COLEC12: variants seen among roughly 807,000 people sequenced by gnomAD.
The protein encoded by COLEC12 is collectin-12.
In COLEC12, 33 loss-of-function variants were observed where a neutral mutation model predicts 71.1. That is an observed-to-expected ratio of 0.46 (90% CI 0.35 to 0.62). The LOEUF (loss-of-function observed/expected upper bound fraction) is 0.62, where lower values mean the gene tolerates loss of function less well. Among genes scored for constraint, COLEC12 ranks in the 20% least tolerant of loss-of-function variants. The pLI is 0.00. For synonymous variants in COLEC12, 350 were observed against 353.0 expected (o/e 0.99, Z 0.10); for missense variants, 765 against 916.1 (o/e 0.84, Z 2.13).
rs562436571 is a variant in COLEC12 at position 319,070 on chromosome 18, C to T, written c.*975G>A. ...CTTCCAGATAGGCCAGATTCAGTGC[C>T]CTTCCCAACAGATGCCTCTCCATCC... On this transcript the variant is annotated 3_prime_UTR_variant, in exon 10 of 10. Transcript: ENST00000400256. 1.3e-5 allele frequency: 2 copies of T among 152,068 alleles called. No homozygotes were observed. Among genetic ancestry groups the T allele is most frequent in the African/African-American group, 4.8e-5 (2 of 41,450 alleles). The allele number at this position is 152,068 out of a possible 1,614,324, so 9.4% of individuals were successfully genotyped here.
In COLEC12 at chr18:346,249, A is replaced by G. The variant is rs375590539; in HGVS notation, c.1327+46T>C. 61 of 1,351,334 alleles carry G rather than the reference A, an allele frequency of 4.5e-5. No homozygotes were observed. In the East Asian group the frequency reaches 1.1e-3, roughly 23 times the overall value. The allele number at this position is 1,351,334 out of a possible 1,614,324, so 83.7% of individuals were successfully genotyped here. ...CAAGTTTTAGAGTAACTTGTTATGCAGCAATAAACAACTAATACAAATACA... is the reference window on the plus strand; with the variant it reads ...CAAGTTTTAGAGTAACTTGTTATGCGGCAATAAACAACTAATACAAATACA... On this transcript the variant is annotated intron_variant, in intron 5 of 9. Transcript: ENST00000400256. The surrounding 1 kb of genome is among the most constrained non-coding windows in gnomAD (Gnocchi z 4.0).
intron 3 of COLEC12, among the ~76,000 whole-genome samples, chr18:350,299 G>A (rs563790904): frequency 1.1e-3 from 175 of 152,192 alleles, no homozygotes; most frequent in Non-Finnish European, 2.0e-3. Context: ...TTCTCTTGCT[G>A]CTGCCGTGTA....
intron 2 of COLEC12, among the ~76,000 whole-genome samples, chr18:453,192 G>A (rs1165214067): frequency 2.0e-5 from 3 of 152,158 alleles, no homozygotes; most frequent in Non-Finnish European, 4.4e-5. Flanking sequence ...AATTAGCATC[G>A]TATGATCAGT....
intron 2 of COLEC12, among the ~76,000 whole-genome samples, chr18:378,356 C>G (rs1475225529): frequency 1.3e-5 from 2 of 152,200 alleles, no homozygotes; most frequent in Non-Finnish European, 2.9e-5. Context: ...TAAAAGTAGA[C>G]AGAAGGATGG....
chr18:433,940 G>T (rs911193551), intron 2 of COLEC12, among the ~76,000 whole-genome samples: 3 of 145,826 alleles, frequency 2.1e-5, no homozygotes, highest in Non-Finnish European at 4.5e-5. Context: ...CCCCAGCCTG[G>T]GCGACAAAGT....
chr18:488,992 T>G (rs1200649249), intron 1 of COLEC12, among the ~76,000 whole-genome samples: 3 of 152,104 alleles, frequency 2.0e-5, no homozygotes, highest in African/African-American at 7.2e-5. Flanking sequence ...TGAACCACAT[T>G]TCCCAGCATT....
At chr18:389,501 A>C (rs1374151781) in intron 2 of COLEC12, among the ~76,000 whole-genome samples, 1 of 151,568 alleles carries the variant, frequency 6.6e-6, no homozygotes, top group Non-Finnish European at 1.5e-5. Context: ...GATGGTCTTG[A>C]TCTCCTGACC....
In COLEC12 at chr18:347,223, C is replaced by T. The variant is rs765377021; in HGVS notation, c.399G>A (p.Lys133=). 4 of 1,614,052 alleles carry T rather than the reference C, an allele frequency of 2.5e-6. No individual in the cohort carries two copies. Among genetic ancestry groups the T allele is most frequent in the East Asian group, 4.5e-5 (2 of 44,898 alleles). Residue 133 remains lysine, a synonymous_variant, in exon 5 of 10, where the codon AAG becomes AAA. Coordinates refer to ENST00000400256, the MANE Select transcript of COLEC12 (RefSeq NM_130386.3). ...REITEKTSKN[K]DTLEKLQASG... is the part of the protein sequence containing the mutation. ...TCGCCTGTAACTTCTCCAGCGTATC[C>T]TTGTTCTTGCTGGTTTTTTCTGTAA...
chr18:352,045 C>A (rs1402654198), intron 3 of COLEC12, among the ~76,000 whole-genome samples: 1 of 152,078 alleles, frequency 6.6e-6, no homozygotes, highest in East Asian at 1.9e-4. Flanking sequence ...CCCAGGGAAG[C>A]CTGAGCATTG....
At chr18:410,392 T>C (rs1273625318) in intron 2 of COLEC12, among the ~76,000 whole-genome samples, 1 of 151,204 alleles carries the variant, frequency 6.6e-6, no homozygotes, top group Non-Finnish European at 1.5e-5. Flanking sequence ...AAAGGAAGCC[T>C]GGCTAGAGAT....
At chr18:360,126 C>T (rs139835161) in intron 2 of COLEC12, among the ~76,000 whole-genome samples, 10 of 151,940 alleles carry the variant, frequency 6.6e-5, no homozygotes, top group African/African-American at 2.4e-4. Context: ...GTCATTAAAA[C>T]ACACTGTTTC....
chr18:343,489 G>A (rs1914302669), intron 5 of COLEC12, among the ~76,000 whole-genome samples: 1 of 151,966 alleles, frequency 6.6e-6, no homozygotes, highest in African/African-American at 2.4e-5. Flanking sequence ...CGTGCTCTCG[G>A]TGACCCCTCC....
chr18:407,534 T>G (rs1915814084), intron 2 of COLEC12, among the ~76,000 whole-genome samples: 1 of 152,206 alleles, frequency 6.6e-6, no homozygotes, highest in Non-Finnish European at 1.5e-5. Flanking sequence ...TGTCCCAGCT[T>G]TGAAGGCAGT....
rs650190 is a variant in COLEC12 at position 351,022 on chromosome 18, A to G, written c.182-2859T>C. ...ATGCTTTATATATCAATTATGAGCCAACGGATCTAATTTATTGTATTCATC... is the reference window on the plus strand; with the variant it reads ...ATGCTTTATATATCAATTATGAGCCGACGGATCTAATTTATTGTATTCATC... On this transcript the variant is annotated intron_variant, in intron 3 of 9. Transcript: ENST00000400256. Among the ~76,000 whole-genome samples the G allele has an allele frequency of 1.8e-4, 27 of 151,872 alleles. No homozygotes were observed. In the South Asian group the frequency reaches 5.6e-3, roughly 32 times the overall value.
intron 2 of COLEC12, among the ~76,000 whole-genome samples, chr18:358,950 C>T (rs542895303): frequency 3.3e-5 from 5 of 152,294 alleles, no homozygotes; most frequent in Admixed American, 6.5e-5. Context: ...TGAAACGTTA[C>T]GTGGCACATG....
intron 5 of COLEC12, among the ~76,000 whole-genome samples, chr18:345,730 C>T (rs1049346804): frequency 6.6e-6 from 1 of 152,222 alleles, no homozygotes; most frequent in African/African-American, 2.4e-5. Flanking sequence ...ATTAACCAAC[C>T]TTTCACTCAA....
Position 318,496 on chromosome 18 carries a change from T to TG in COLEC12, c.*1548_*1549insC, listed in dbSNP as rs1165777842. ...ATGGGCTCAGAGGAAAGGTTTTTTTTTTTTTTTTTTTTTTGAGATGGAGTC... is the reference window on the plus strand; with the variant it reads ...ATGGGCTCAGAGGAAAGGTTTTTTTTGTTTTTTTTTTTTTTGAGATGGAGTC... On this transcript the variant is annotated 3_prime_UTR_variant, in exon 10 of 10. Transcript: ENST00000400256. 7.0e-6 allele frequency: 1 copy of TG among 142,590 alleles called. No homozygotes were observed. The highest frequency in any genetic ancestry group is 1.5e-5 in the Non-Finnish European group (1 of 65,136). 8.8% of individuals were successfully genotyped at this position (142,590 alleles called of 1,614,324 possible). A position where few individuals can be genotyped will look rare whatever the true frequency, so the allele number is the denominator to read the frequency against.
At chr18:491,535 T>C (rs1458215912) in intron 1 of COLEC12, among the ~76,000 whole-genome samples, 3 of 152,196 alleles carry the variant, frequency 2.0e-5, no homozygotes, top group Middle Eastern at 3.2e-3. Context: ...GCTTAATAAA[T>C]ATGAATTTTC....
chr18:334,370 G>C (rs1047688008), intron 6 of COLEC12: 1 of 157,528 alleles, frequency 6.3e-6, no homozygotes, highest in African/African-American at 2.4e-5. Context: ...GCTCACACCT[G>C]TAATCCCAGC....
Sources: allele counts gnomAD v4.1 joint callset (sites outside exome capture counted in the v4.1 genomes callset), GRCh38; gene constraint gnomAD v4.1.1; non-coding constraint Gnocchi (gnomAD v3.1); transcripts MANE v1.5; gene names NCBI Gene and HGNC (gene_info 2026-07-23, HGNC 2026-07-21).